The following TEX11 variants were observed in gnomAD, a reference collection of about 807,000 sequenced individuals.
TEX11 encodes testis expressed 11.
TEX11 carries 7 observed loss-of-function variants against 84.4 expected under a neutral mutation model. The ratio of observed to expected loss-of-function variants is 0.08; its 90% CI spans 0.05 to 0.16. The LOEUF is 0.16. TEX11 is among the 10% of genes least tolerant of loss of function. TEX11 has a pLI of 1.00. For missense variants in TEX11, 551 were observed against 660.5 expected, an observed-to-expected ratio of 0.83 and a Z score of 1.82; for synonymous variants, 264 against 222.8, an observed-to-expected ratio of 1.18 and a Z score of -1.64.
chrX:70,727,222 T>A (rs1286100277), intron 11 of TEX11, among the ~76,000 whole-genome samples: 1 of 111,591 alleles, frequency 9.0e-6, no homozygotes, highest in African/African-American at 3.3e-5. Flanking sequence ...CATTACAATA[T>A]GCTGCCTCCC....
intron 13 of TEX11, among the ~76,000 whole-genome samples, chrX:70,717,330 T>G (rs1416479933): frequency 9.1e-6 from 1 of 110,097 alleles, no homozygotes; most frequent in Non-Finnish European, 1.9e-5. Context: ...TTCTTTTTTT[T>G]TTTTTTGAGA....
intron 16 of TEX11, among the ~76,000 whole-genome samples, chrX:70,661,122 C>T (rs1263424599): frequency 8.9e-6 from 1 of 111,877 alleles, no homozygotes; most frequent in East Asian, 2.8e-4. Flanking sequence ...ATTCCCTTTC[C>T]TAGCCAAGGA....
chrX:70,548,441 TA>T (rs35223379), intron 28 of TEX11, among the ~76,000 whole-genome samples: 9,456 of 109,884 alleles, frequency 0.086, 459 homozygotes, highest in Admixed American at 0.25. Context: ...TAAAAAATAA[TA>T]ATAAAAAATC....
chrX:70,801,950 A>G (rs1397261505), intron 9 of TEX11, among the ~76,000 whole-genome samples: 1 of 111,540 alleles, frequency 9.0e-6, no homozygotes, highest in Non-Finnish European at 1.9e-5. Flanking sequence ...GATGAAATAA[A>G]GAATCCAGGC....
the TEX11 span, among the ~76,000 whole-genome samples, chrX:70,513,960 A>T: frequency 9.1e-6 from 1 of 109,338 alleles, no homozygotes. Context: ...GAAAAGAGTC[A>T]TAAATAGAAC....
In TEX11 at chrX:70,647,292, G is replaced by GT. The variant is rs772164781; in HGVS notation, c.1483+4157dup. 2.7e-5 allele frequency among the ~76,000 whole-genome samples: 3 copies of GT among 111,682 alleles called. No homozygotes were observed. The East Asian group carries it at 8.5e-4, about 31-fold the overall frequency. Reference sequence around the variant, plus strand: ...GATGGTGAAAGAATACAGAATTTCCGTTGAGCAGAAGGAACAAGTTCAAGA... The same window carrying GT: ...GATGGTGAAAGAATACAGAATTTCCGTTTGAGCAGAAGGAACAAGTTCAAGA... On this transcript the variant is annotated intron_variant, in intron 17 of 29. Coordinates refer to ENST00000374333, the MANE Select transcript of TEX11 (RefSeq NM_031276.3).
At chrX:70,705,405 A>G (rs1431454945) in intron 13 of TEX11, among the ~76,000 whole-genome samples, 1 of 111,711 alleles carries the variant, frequency 9.0e-6, no homozygotes, top group Non-Finnish European at 1.9e-5. Flanking sequence ...TATTTTCACA[A>G]TATTGATTCT....
At chrX:70,886,360 T>A (rs1440801815) in intron 2 of TEX11, among the ~76,000 whole-genome samples, 1 of 111,926 alleles carries the variant, frequency 8.9e-6, no homozygotes, top group African/African-American at 3.2e-5. Context: ...TACTGCATGG[T>A]TCCACTTACA....
At chrX:70,742,035 G>A (rs1001431476) in intron 10 of TEX11, among the ~76,000 whole-genome samples, 1 of 111,270 alleles carries the variant, frequency 9.0e-6, no homozygotes, top group Non-Finnish European at 1.9e-5. Flanking sequence ...TAGGCTCTAC[G>A]AATTTTCCCA....
In TEX11 at chrX:70,725,723, G is replaced by C. The variant is rs373892427; in HGVS notation, c.844-380C>G. ...TTGCAAACAATGGCGGAATAAAATA[G>C]AAAATGTATTGTCTTTTCCATAAGA... On this transcript the variant is annotated intron_variant, in intron 11 of 29. Transcript: ENST00000374333. Among the ~76,000 whole-genome samples the C allele has an allele frequency of 4.5e-5, 5 of 112,045 alleles. No individual in the cohort carries two copies. In the East Asian group the frequency reaches 1.4e-3, roughly 31 times the overall value.
chrX:70,546,887 T>C (rs1368169124), intron 28 of TEX11, among the ~76,000 whole-genome samples: 1 of 109,886 alleles, frequency 9.1e-6, no homozygotes, highest in Non-Finnish European at 1.9e-5. Flanking sequence ...TAAACACATA[T>C]GCTCACAAAA....
At chrX:70,620,953 G>A (rs1228257614) in intron 20 of TEX11, among the ~76,000 whole-genome samples, 1 of 111,506 alleles carries the variant, frequency 9.0e-6, no homozygotes. Context: ...GAATTTTTAG[G>A]GCAGTGAAAA....
At chrX:70,656,010 A>G (rs1232869131) in intron 16 of TEX11, among the ~76,000 whole-genome samples, 1 of 111,358 alleles carries the variant, frequency 9.0e-6, no homozygotes, top group Non-Finnish European at 1.9e-5. Flanking sequence ...TTGAAAAAGA[A>G]GAAACACAAT....
chrX:70,806,918 G>A (rs746538925), intron 8 of TEX11, 128 bp from the exon 9 acceptor site: 4 of 431,025 alleles, frequency 9.3e-6, no homozygotes, highest in African/African-American at 2.5e-5. Flanking sequence ...GCAAAACTCC[G>A]TCTCAAAAAA....
chrX:70,623,411 A>G (rs918769832), intron 20 of TEX11, among the ~76,000 whole-genome samples: 1 of 112,167 alleles, frequency 8.9e-6, no homozygotes, highest in Non-Finnish European at 1.9e-5. Flanking sequence ...GCACAGAAAT[A>G]TATTTGAATA....
At chrX:70,703,249 C>T (rs776504917) in intron 13 of TEX11, among the ~76,000 whole-genome samples, 72 of 111,584 alleles carry the variant, frequency 6.5e-4, no homozygotes, top group Non-Finnish European at 1.2e-3. Context: ...TTAGTGAATA[C>T]CTATCATAGT....
At chrX:70,524,691 G>A (rs1309148576), downstream of TEX11, among the ~76,000 whole-genome samples, 1 of 111,978 alleles carries the variant, frequency 8.9e-6, no homozygotes, top group Non-Finnish European at 1.9e-5. Flanking sequence ...TCAGCCTCCC[G>A]AGTAGCTGGG....
chrX:70,658,941 A>G (rs756055004), intron 16 of TEX11, among the ~76,000 whole-genome samples: 75 of 112,176 alleles, frequency 6.7e-4, no homozygotes, highest in Non-Finnish European at 1.2e-3. Context: ...AAGGGTTCCC[A>G]AACTATTCAA....
intron 9 of TEX11, among the ~76,000 whole-genome samples, chrX:70,747,528 T>G (rs1043237382): frequency 1.8e-5 from 2 of 112,229 alleles, no homozygotes; most frequent in Non-Finnish European, 3.8e-5. Flanking sequence ...CAAAACATTG[T>G]AAGACATACA....
Sources: allele counts gnomAD v4.1 joint callset (sites outside exome capture counted in the v4.1 genomes callset), GRCh38; gene constraint gnomAD v4.1.1; transcripts MANE v1.5; gene names NCBI Gene and HGNC (gene_info 2026-07-23, HGNC 2026-07-21).